FBLN2: variants seen among roughly 807,000 people sequenced by gnomAD.
FBLN2 encodes fibulin-2.
In FBLN2, 81 loss-of-function variants were observed where a neutral mutation model predicts 123.7. The observed-to-expected ratio is 0.65, with a 90% CI of 0.55 to 0.79. FBLN2 has a LOEUF of 0.79. Among genes scored for constraint, FBLN2 ranks in the 30% least tolerant of loss-of-function variants. The pLI, the probability that FBLN2 is intolerant of heterozygous loss-of-function variation, is 0.00. For synonymous variants in FBLN2, 699 were observed against 701.4 expected, an observed-to-expected ratio of 1.00 and a Z score of 0.05; for missense variants, 1,603 against 1,681.3, an observed-to-expected ratio of 0.95 and a Z score of 0.81.
chr3:13,597,822 C>T (rs1156816988), intron 2 of FBLN2, among the ~76,000 whole-genome samples: 2 of 152,210 alleles, frequency 1.3e-5, no homozygotes, highest in Non-Finnish European at 2.9e-5. Context: ...CTGCCAGGCC[C>T]GGAGCCCTGA....
chr3:13,594,390 G>A (rs534986814), intron 2 of FBLN2, among the ~76,000 whole-genome samples: 1 of 151,956 alleles, frequency 6.6e-6, no homozygotes. Flanking sequence ...TTCTGGGCGG[G>A]GCAGAGGTCC....
chr3:13,635,023 G>C (rs1442515748), intron 16 of FBLN2, among the ~76,000 whole-genome samples: 1 of 152,124 alleles, frequency 6.6e-6, no homozygotes, highest in African/African-American at 2.4e-5. Context: ...CCAGATTTTG[G>C]CATCAGGCAT....
At chr3:13,567,251 C>T (rs1482686353) in intron 1 of FBLN2, among the ~76,000 whole-genome samples, 6 of 152,186 alleles carry the variant, frequency 3.9e-5, no homozygotes, top group Non-Finnish European at 7.4e-5. Context: ...TAGGACAGCC[C>T]TGTGTCCTGT....
intron 16 of FBLN2, among the ~76,000 whole-genome samples, chr3:13,634,549 G>A (rs1011942645): frequency 6.6e-6 from 1 of 152,382 alleles, no homozygotes; most frequent in East Asian, 1.9e-4. Flanking sequence ...GCCACCGGGG[G>A]CATAGGCCAA....
Position 13,579,197 on chromosome 3 carries a change from C to T in FBLN2, c.1306+7536C>T, listed in dbSNP as rs767110246. On this transcript the variant is annotated intron_variant, in intron 2 of 17. Coordinates refer to ENST00000404922, the MANE Select transcript of FBLN2 (RefSeq NM_001004019.2). ...TAGTGTGTATGAAATAGCATCTCAT[C>T]GTGGTTTAGATTGCAATTCCCTGAT... is the stretch of plus-strand genomic sequence containing the variant. Among the ~76,000 whole-genome samples, 9 of 152,202 alleles carry T rather than the reference C, an allele frequency of 5.9e-5. No individual in the cohort carries two copies. In the East Asian group the frequency reaches 1.5e-3, roughly 26 times the overall value.
In FBLN2 at chr3:13,630,741, C is replaced by A. The variant is rs766153695; in HGVS notation, c.3011C>A (p.Ala1004Asp). Residue 1004 changes from alanine (A) to aspartate (D), a missense_variant, in exon 15 of 18, where the codon GCC becomes GAC. Transcript: ENST00000404922. ...CEAQRCSQECANIYGSYQCYC... is the reference protein window; with the variant it reads ...CEAQRCSQECDNIYGSYQCYC... ...GCCCAGCGCTGCAGCCAGGAGTGTG[C>A]CAACATCTATGGCTCCTACCAGTGC... 1 of 1,610,096 alleles carries A rather than the reference C, an allele frequency of 6.2e-7. No homozygotes were observed. Among genetic ancestry groups the A allele is most frequent in the Admixed American group, 1.7e-5 (1 of 59,698 alleles).
chr3:13,574,083 C>T (rs1216113602), intron 2 of FBLN2, among the ~76,000 whole-genome samples: 1 of 152,198 alleles, frequency 6.6e-6, no homozygotes, highest in Non-Finnish European at 1.5e-5. Context: ...TCAGCAATCA[C>T]AGAGCGCCGA....
intron 2 of FBLN2, among the ~76,000 whole-genome samples, chr3:13,587,156 A>T (rs977836478): frequency 1.9e-4 from 29 of 150,438 alleles, no homozygotes; most frequent in African/African-American, 6.6e-4. Context: ...AAAAAAAAAA[A>T]AAAAATAAAT....
At position 13,629,146 on chromosome 3, in the gene FBLN2, C is replaced by T. The variant is rs201165642; in HGVS notation, c.2714-18C>T. The stretch of plus-strand genomic sequence containing the variant: ...GAGGGAGCCCCAGGCCTCAAGGTAC[C>T]CTGCTCACCCCCCACAGACGTGAAT... On this transcript the variant is annotated intron_variant, in intron 12 of 17. Transcript: ENST00000404922. The T allele has an allele frequency of 6.2e-7, 1 of 1,612,772 alleles. No homozygotes were observed. Among genetic ancestry groups the T allele is most frequent in the East Asian group, 2.2e-5 (1 of 44,860 alleles).
chr3:13,581,495 T>C (rs1704326651), intron 2 of FBLN2, among the ~76,000 whole-genome samples: 1 of 152,058 alleles, frequency 6.6e-6, no homozygotes, highest in Admixed American at 6.5e-5. Context: ...ACGTGGAGGC[T>C]GAGGTAGTAT....
intron 16 of FBLN2, among the ~76,000 whole-genome samples, chr3:13,633,806 C>G (rs894025522): frequency 1.3e-5 from 2 of 152,194 alleles, no homozygotes; most frequent in African/African-American, 4.8e-5. Flanking sequence ...CCCTATCTGT[C>G]CGGCTCACCA....
chr3:13,615,951 C>T (rs1435762864), intron 5 of FBLN2, among the ~76,000 whole-genome samples: 2 of 152,214 alleles, frequency 1.3e-5, no homozygotes, highest in African/African-American at 4.8e-5. Flanking sequence ...AAGATGCCTG[C>T]TGTCCACAGG....
Position 13,587,575 on chromosome 3 carries a change from G to A in FBLN2, c.1306+15914G>A, listed in dbSNP as rs149086677. ...ACCATCTAACTGGACTTCCTTCTCAGCAGGCGCTCTTAAAATTTAACTTGA... is the reference window on the plus strand; with the variant it reads ...ACCATCTAACTGGACTTCCTTCTCAACAGGCGCTCTTAAAATTTAACTTGA... On this transcript the variant is annotated intron_variant, in intron 2 of 17. Transcript: ENST00000404922. Among the ~76,000 whole-genome samples, 98 of 152,312 alleles carry A rather than the reference G, an allele frequency of 6.4e-4. 2 individuals are homozygous for A. The East Asian group carries it at 0.018, about 29-fold the overall frequency.
chr3:13,570,991 G>A lies in FBLN2; in HGVS notation c.636G>A (p.Leu212=), dbSNP rs368996190. ...CCGAGGTGGAAGCAGCAACAGCCCT[G>A]GGGGGTGAGGTCCAGGCGGGTGCAG... ...EVAEVEAATA[L]GGEVQAGAVQ... Residue 212 remains leucine, a synonymous_variant, in exon 2 of 18, where the codon CTG becomes CTA. Transcript: ENST00000404922. 12 of 1,606,912 alleles carry A rather than the reference G, an allele frequency of 7.5e-6. No individual in the cohort carries two copies. The highest frequency in any genetic ancestry group is 2.7e-5 in the African/African-American group (2 of 74,814).
rs776372122 is a variant in FBLN2 at position 13,627,916 on chromosome 3, C to T, written c.2516C>T (p.Ala839Val). The T allele has an allele frequency of 2.5e-6, 4 of 1,613,898 alleles. No homozygotes were observed. The Admixed American group carries it at 6.7e-5, about 27-fold the overall frequency. ...ACCAAGGGCTCCTTCTACTGCCAGG[C>T]CAGGCAGCGCTGCATGGATGGCTTC... Reference protein sequence around the residue: ...QNTKGSFYCQARQRCMDGFLQ... With the variant: ...QNTKGSFYCQVRQRCMDGFLQ... The change falls in exon 11 of 18, where the codon GCC (alanine) becomes GTC (valine). Residue 839 changes from alanine to valine, a missense_variant. Transcript: ENST00000404922.
chr3:13,561,321 A>T (rs1703594044), intron 1 of FBLN2, among the ~76,000 whole-genome samples: 1 of 152,170 alleles, frequency 6.6e-6, no homozygotes, highest in Non-Finnish European at 1.5e-5. Context: ...GACAACATCC[A>T]CTAAATGTAC....
chr3:13,555,970 C>G (rs1225464074), intron 1 of FBLN2, among the ~76,000 whole-genome samples: 1 of 152,186 alleles, frequency 6.6e-6, no homozygotes, highest in Non-Finnish European at 1.5e-5. Context: ...GTGGTAGGGG[C>G]GTCACATACC....
intron 13 of FBLN2, 61 bp from the exon 14 acceptor site, chr3:13,629,759 G>C (rs1262917381): frequency 7.8e-6 from 12 of 1,529,418 alleles, no homozygotes; most frequent in Admixed American, 4.3e-5. Context: ...ATGGCCCTTG[G>C]GGGTGGAGGG....
chr3:13,626,688 C>T, intron 10 of FBLN2, 109 bp downstream of exon 10: 1 of 1,153,680 alleles, frequency 8.7e-7, no homozygotes, highest in Non-Finnish European at 1.2e-6. Context: ...TAGGCCTGGC[C>T]ACGCCCCTCT....
Sources: allele counts gnomAD v4.1 joint callset (sites outside exome capture counted in the v4.1 genomes callset), GRCh38; gene constraint gnomAD v4.1.1; transcripts MANE v1.5; gene names NCBI Gene and HGNC (gene_info 2026-07-23, HGNC 2026-07-21).